Variants in FSTL5 observed in about 807,000 individuals in gnomAD.
The protein encoded by FSTL5 is follistatin-related protein 5.
In FSTL5, 62 loss-of-function variants were observed where a neutral mutation model predicts 89.1. The observed-to-expected ratio is 0.70, with a 90% confidence interval of 0.57 to 0.86. The LOEUF (loss-of-function observed/expected upper bound fraction) is 0.86, where lower values mean the gene tolerates loss of function less well. Ranked by LOEUF, FSTL5 falls within the 40% of genes least tolerant of loss-of-function variation. The probability of loss-of-function intolerance (pLI) is 0.00; values close to 1 mark genes in which losing one functional copy is unlikely to be tolerated. For synonymous variants in FSTL5, 383 were observed against 346.2 expected (o/e 1.11, Z -1.18); for missense variants, 1,057 against 1,001.6 (o/e 1.06, Z -0.75).
intron 4 of FSTL5, among the ~76,000 whole-genome samples, chr4:161,910,892 T>G (rs1342037283): frequency 6.6e-6 from 1 of 152,176 alleles, no homozygotes; most frequent in Non-Finnish European, 1.5e-5. Flanking sequence ...AATGTATTAT[T>G]CTGAACTCAA....
intron 6 of FSTL5, among the ~76,000 whole-genome samples, chr4:161,688,900 G>A (rs747122128): frequency 1.9e-4 from 29 of 152,046 alleles, no homozygotes; most frequent in Non-Finnish European, 3.2e-4. Flanking sequence ...TACATCATTT[G>A]CAAATAATAA....
At chr4:161,562,213 C>A (rs1437929379) in intron 8 of FSTL5, among the ~76,000 whole-genome samples, 3 of 152,028 alleles carry the variant, frequency 2.0e-5, no homozygotes, top group Non-Finnish European at 4.4e-5. Context: ...GTCAGTATCA[C>A]ACCACTATCA....
At chr4:161,864,297 G>C (rs902590500) in intron 4 of FSTL5, among the ~76,000 whole-genome samples, 4 of 152,108 alleles carry the variant, frequency 2.6e-5, no homozygotes, top group Admixed American at 6.6e-5. Context: ...GGGTCAGGTG[G>C]ATCAGGGCTT....
intron 7 of FSTL5, among the ~76,000 whole-genome samples, chr4:161,645,726 A>C (rs1373779407): frequency 6.6e-6 from 1 of 152,082 alleles, no homozygotes; most frequent in Non-Finnish European, 1.5e-5. Context: ...CAGAAATCCA[A>C]CTTCCTCAGC....
rs1734823373 is a variant in FSTL5, at chr4:161,615,406, C to T, written c.895-27831G>A. ...GCATGAACCAGGGAGGCGGAGCTTGCAGCACTCCAGCCTGGGTGACAGGGC... is the reference window on the plus strand; with the variant it reads ...GCATGAACCAGGGAGGCGGAGCTTGTAGCACTCCAGCCTGGGTGACAGGGC... On this transcript the variant is annotated intron_variant, in intron 7 of 15. Transcript: ENST00000306100. Among the ~76,000 whole-genome samples, 4 of 139,556 alleles carry T rather than the reference C, an allele frequency of 2.9e-5. No homozygotes were observed. The Admixed American group carries it at 3.0e-4, about 10-fold the overall frequency. The allele number at this position is 139,556 out of a possible 152,430, so 91.6% of individuals were successfully genotyped here. A position where few individuals can be genotyped will look rare whatever the true frequency, so the allele number is the denominator to read the frequency against.
At chr4:161,995,767 G>GTTT (rs371077939) in intron 3 of FSTL5, among the ~76,000 whole-genome samples, 3 of 137,104 alleles carry the variant, frequency 2.2e-5, no homozygotes, top group Non-Finnish European at 3.2e-5. Context: ...CATGTAATGA[G>GTTT]TTTTTTTTTT....
At chr4:161,988,858 T>C (rs1473593975) in intron 3 of FSTL5, among the ~76,000 whole-genome samples, 3 of 152,148 alleles carry the variant, frequency 2.0e-5, no homozygotes, top group African/African-American at 4.8e-5. Flanking sequence ...TTCTTGTGAA[T>C]GCAAACAAGA....
At chr4:161,874,501 C>A (rs773898779) in intron 4 of FSTL5, among the ~76,000 whole-genome samples, 1 of 151,068 alleles carries the variant, frequency 6.6e-6, no homozygotes. Flanking sequence ...AAAAAATTAG[C>A]CATTTTATTT....
chr4:161,910,597 A>G (rs1260811469), intron 4 of FSTL5, among the ~76,000 whole-genome samples: 1 of 152,138 alleles, frequency 6.6e-6, no homozygotes, highest in Admixed American at 6.6e-5. Context: ...CATGAACTCC[A>G]TACTCAATCT....
intron 15 of FSTL5, among the ~76,000 whole-genome samples, chr4:161,420,907 A>C (rs1731966687): frequency 6.6e-6 from 1 of 151,402 alleles, no homozygotes; most frequent in Non-Finnish European, 1.5e-5. Flanking sequence ...AAATATGTAT[A>C]TATGGTATTG....
At chr4:161,628,747 C>T (rs959094066) in intron 7 of FSTL5, among the ~76,000 whole-genome samples, 2 of 152,128 alleles carry the variant, frequency 1.3e-5, no homozygotes, top group Admixed American at 6.5e-5. Flanking sequence ...GTTGGCCCTG[C>T]CAATCTTATT....
chr4:161,759,369 A>G, intron 6 of FSTL5, 42 bp downstream of exon 6: 1 of 1,557,120 alleles, frequency 6.4e-7, no homozygotes, highest in Non-Finnish European at 8.7e-7. Flanking sequence ...AAGCAACAGG[A>G]AAAAGAACAA....
At chr4:161,416,619 G>T (rs908552184) in intron 15 of FSTL5, among the ~76,000 whole-genome samples, 1 of 151,938 alleles carries the variant, frequency 6.6e-6, no homozygotes, top group African/African-American at 2.4e-5. Flanking sequence ...CCCAGGTGGG[G>T]GGATCACAAG....
At chr4:161,635,593 A>G (rs762877285) in intron 7 of FSTL5, among the ~76,000 whole-genome samples, 1 of 152,138 alleles carries the variant, frequency 6.6e-6, no homozygotes, top group African/African-American at 2.4e-5. Context: ...GTAAATACTC[A>G]TTGATAAAGT....
At chr4:161,571,924 A>G (rs1404593425) in intron 8 of FSTL5, among the ~76,000 whole-genome samples, 1 of 152,196 alleles carries the variant, frequency 6.6e-6, no homozygotes, top group East Asian at 1.9e-4. Flanking sequence ...GCTTCTGAGC[A>G]TTGTGATCTT....
chr4:161,897,185 A>C (rs1733187795), intron 4 of FSTL5, among the ~76,000 whole-genome samples: 1 of 151,888 alleles, frequency 6.6e-6, no homozygotes, highest in Non-Finnish European at 1.5e-5. Flanking sequence ...TCATGAAATA[A>C]AAAATATTAT....
intron 15 of FSTL5, among the ~76,000 whole-genome samples, chr4:161,401,529 T>C (rs1435986354): frequency 6.6e-6 from 1 of 152,122 alleles, no homozygotes; most frequent in East Asian, 1.9e-4. Context: ...TTTTTTATTA[T>C]TGATTTATTT....
chr4:161,439,836 A>C (rs539109834), intron 15 of FSTL5, among the ~76,000 whole-genome samples: 7 of 152,300 alleles, frequency 4.6e-5, no homozygotes, highest in African/African-American at 1.7e-4. Context: ...AGTTATATAG[A>C]CATCAAGTTA....
intron 4 of FSTL5, among the ~76,000 whole-genome samples, chr4:161,914,041 C>G (rs1428512898): frequency 6.6e-6 from 1 of 151,950 alleles, no homozygotes; most frequent in East Asian, 1.9e-4. Flanking sequence ...TTTGGAGGGA[C>G]CAGGGGTGGA....
Sources: gnomAD v4.1 joint callset for allele counts (sites outside exome capture counted in the v4.1 genomes callset) on GRCh38, gnomAD v4.1.1 for gene constraint, MANE v1.5 for transcripts, NCBI Gene and HGNC (gene_info 2026-07-23, HGNC 2026-07-21) for gene names.